Variants in N4BP2 observed in about 807,000 individuals in gnomAD.
N4BP2 encodes NEDD4 binding protein 2.
A neutral mutation model predicts 152.8 loss-of-function variants in N4BP2; 91 were observed. The observed-to-expected ratio is 0.60, with a 90% CI of 0.50 to 0.71. N4BP2 has a LOEUF of 0.71. N4BP2 is among the 30% of genes least tolerant of loss of function. N4BP2 has a pLI of 0.00. For missense variants in N4BP2, 1,923 were observed against 2,059.1 expected (o/e 0.93, Z 1.28); for synonymous variants, 646 against 705.3 (o/e 0.92, Z 1.33).
chr4:40,146,853 G>A (rs1230627631), intron 16 of N4BP2, among the ~76,000 whole-genome samples: 2 of 93,012 alleles, frequency 2.2e-5, no homozygotes, highest in Non-Finnish European at 4.7e-5. Flanking sequence ...ATTCTATTAT[G>A]TTTCTATGTG....
chr4:40,180,006 C>T, the N4BP2 span, among the ~76,000 whole-genome samples: 6 of 152,064 alleles, frequency 3.9e-5, no homozygotes, highest in South Asian at 2.1e-4. Context: ...TCAGGTGATC[C>T]GCCCACCTCG....
intron 7 of N4BP2, among the ~76,000 whole-genome samples, chr4:40,114,098 A>T (rs1212587871): frequency 1.3e-5 from 2 of 152,172 alleles, no homozygotes; most frequent in Non-Finnish European, 2.9e-5. Flanking sequence ...CCTGCCTCCC[A>T]CTATGGCTAT....
the N4BP2 span, among the ~76,000 whole-genome samples, chr4:40,176,104 AAAG>A: frequency 5.9e-5 from 9 of 151,758 alleles, no homozygotes; most frequent in Non-Finnish European, 1.0e-4. Context: ...AAAAAAAAAA[AAAG>A]AGAAAGAAAA....
chr4:40,128,835 T>TAA (rs201364379), intron 12 of N4BP2, among the ~76,000 whole-genome samples: 1 of 144,670 alleles, frequency 6.9e-6, no homozygotes, highest in East Asian at 1.9e-4. Flanking sequence ...GGATTTTCTT[T>TAA]AAAAAAAAAA....
At chr4:40,150,754 G>A (rs1011587667) in intron 16 of N4BP2, among the ~76,000 whole-genome samples, 3 of 151,936 alleles carry the variant, frequency 2.0e-5, no homozygotes, top group African/African-American at 7.2e-5. Context: ...CCAGGGGAGG[G>A]GAAACCTTGT....
At chr4:40,076,130 T>C (rs545085397) in intron 2 of N4BP2, among the ~76,000 whole-genome samples, 1 of 152,296 alleles carries the variant, frequency 6.6e-6, no homozygotes, top group South Asian at 2.1e-4. Context: ...CTGCCCCTGA[T>C]AGATATATTT....
At chr4:40,126,769 AT>A (rs554154439) in intron 12 of N4BP2, among the ~76,000 whole-genome samples, 48 of 151,652 alleles carry the variant, frequency 3.2e-4, no homozygotes, top group Non-Finnish European at 6.0e-4. Flanking sequence ...TTTTTATTTT[AT>A]TTTTGGAGAT....
At chr4:40,129,466 A>G (rs897350367) in intron 12 of N4BP2, among the ~76,000 whole-genome samples, 1 of 151,690 alleles carries the variant, frequency 6.6e-6, no homozygotes, top group Non-Finnish European at 1.5e-5. Context: ...AGCTCAAGCA[A>G]TTCACCTGCC....
At chr4:40,116,711 A>T (rs1245225491) in intron 7 of N4BP2, among the ~76,000 whole-genome samples, 1 of 152,050 alleles carries the variant, frequency 6.6e-6, no homozygotes, top group Non-Finnish European at 1.5e-5. Flanking sequence ...TCATCTGGGA[A>T]TTGCCTTCTG....
At chr4:40,189,289 C>G in the N4BP2 span, among the ~76,000 whole-genome samples, 1 of 152,284 alleles carries the variant, frequency 6.6e-6, no homozygotes, top group East Asian at 1.9e-4. This position sits in a 1 kb window ranked among gnomAD's most constrained non-coding sequence, Gnocchi z 4.3. Flanking sequence ...CTGGAATTTT[C>G]CACTAGGTAC....
the N4BP2 span, among the ~76,000 whole-genome samples, chr4:40,169,635 G>T: frequency 0.084 from 12,648 of 150,930 alleles, 531 homozygotes; most frequent in African/African-American, 0.11. Flanking sequence ...AGTACATAAA[G>T]ATTGGAAATT....
rs1716959049 is a variant in N4BP2 at position 40,112,265 on chromosome 4, T to A, written c.1587+93T>A. On this transcript the variant is annotated intron_variant, in intron 6 of 17. Transcript: ENST00000261435. ...AAAGTGAATCTGAAGCACTTAAGAA[T>A]CTCAGAACCTTGGATAGTCTGTAAA... 3 of 774,116 alleles carry A rather than the reference T, an allele frequency of 3.9e-6. No homozygotes were observed. In the South Asian group the frequency reaches 5.0e-5, roughly 13 times the overall value. The allele number at this position is 774,116 out of a possible 1,614,324, so 48.0% of individuals were successfully genotyped here.
At chr4:40,063,934 C>G (rs771328421) in intron 1 of N4BP2, among the ~76,000 whole-genome samples, 1 of 151,540 alleles carries the variant, frequency 6.6e-6, no homozygotes, top group Non-Finnish European at 1.5e-5. Flanking sequence ...TGTGAGCCAC[C>G]GTGCTGGCCA....
chr4:40,108,820 GTTTTT>G (rs762951724), intron 5 of N4BP2, among the ~76,000 whole-genome samples: 1 of 141,836 alleles, frequency 7.1e-6, no homozygotes, highest in Non-Finnish European at 1.6e-5. Context: ...ATTTTCCTCA[GTTTTT>G]TTTTTTTTTG....
At chr4:40,166,461 G>A in the N4BP2 span, among the ~76,000 whole-genome samples, 3 of 152,060 alleles carry the variant, frequency 2.0e-5, no homozygotes, top group Admixed American at 6.6e-5. Context: ...AGGCTGAGGC[G>A]GGTGGATCAC....
intron 13 of N4BP2, among the ~76,000 whole-genome samples, 178 bp from the exon 14 acceptor site, chr4:40,136,764 TTC>T (rs1719445875): frequency 6.6e-6 from 1 of 152,210 alleles, no homozygotes; most frequent in African/African-American, 2.4e-5. Context: ...GATAGTTTCC[TTC>T]TGATTATTCT....
At chr4:40,107,917 C>G (rs1161234104) in intron 5 of N4BP2, among the ~76,000 whole-genome samples, 2 of 128,490 alleles carry the variant, frequency 1.6e-5, no homozygotes, top group African/African-American at 5.8e-5. Flanking sequence ...GCAGTTGTTT[C>G]CTATGTATCT....
intron 13 of N4BP2, among the ~76,000 whole-genome samples, chr4:40,136,601 A>C (rs1441656509): frequency 6.6e-6 from 1 of 152,040 alleles, no homozygotes; most frequent in Non-Finnish European, 1.5e-5. Context: ...TGGCCAGGCT[A>C]GTCTCTTAAC....
rs528779896 is a variant in N4BP2 at position 40,156,375 on chromosome 4, A to G, written c.*2138A>G. 5 of 152,290 alleles carry G rather than the reference A, an allele frequency of 3.3e-5. No individual in the cohort carries two copies. Among genetic ancestry groups the G allele is most frequent in the African/African-American group, 7.2e-5 (3 of 41,582 alleles). The allele number at this position is 152,290 out of a possible 1,614,324, so 9.4% of individuals were successfully genotyped here. On this transcript the variant is annotated 3_prime_UTR_variant, in exon 18 of 18. Coordinates refer to ENST00000261435, the MANE Select transcript of N4BP2 (RefSeq NM_018177.6). ...AAGCTATATTGTTTACTTGTTTACTATATCAATGTTAATATTATGCCTTAT... is the reference window on the plus strand; with the variant it reads ...AAGCTATATTGTTTACTTGTTTACTGTATCAATGTTAATATTATGCCTTAT...
Sources: allele counts gnomAD v4.1 joint callset (sites outside exome capture counted in the v4.1 genomes callset), GRCh38; gene constraint gnomAD v4.1.1; non-coding constraint Gnocchi (gnomAD v3.1); transcripts MANE v1.5; gene names NCBI Gene and HGNC (gene_info 2026-07-23, HGNC 2026-07-21).